The following CNNM2 variants were observed in gnomAD, a reference collection of about 807,000 sequenced individuals.
CNNM2 encodes cyclin and CBS domain divalent metal cation transport mediator 2.
In CNNM2, 12 loss-of-function variants were observed where a neutral mutation model predicts 66.9. The ratio of observed to expected loss-of-function variants is 0.18; its 90% CI spans 0.11 to 0.29. The LOEUF is 0.29. Ranked by LOEUF, CNNM2 falls within the 10% of genes least tolerant of loss-of-function variation. The pLI is 1.00. For synonymous variants in CNNM2, 557 were observed against 501.8 expected, an observed-to-expected ratio of 1.11 and a Z score of -1.47; for missense variants, 705 against 1,167.7, an observed-to-expected ratio of 0.60 and a Z score of 5.77.
chr10:103,067,254 G>GAT (rs761431753), intron 4 of CNNM2, among the ~76,000 whole-genome samples: 1 of 152,028 alleles, frequency 6.6e-6, no homozygotes, highest in Non-Finnish European at 1.5e-5. Flanking sequence ...TTTTTGTAGA[G>GAT]ATGGGGTCTT....
chr10:103,027,700 T>C (rs1314924119), intron 1 of CNNM2, among the ~76,000 whole-genome samples: 1 of 152,224 alleles, frequency 6.6e-6, no homozygotes, highest in Non-Finnish European at 1.5e-5. Context: ...CAAGATCCTG[T>C]TTCTATAGAT....
At chr10:103,073,540 CAAGGTCCGGGA>C (rs1302668009) in intron 6 of CNNM2, among the ~76,000 whole-genome samples, 1 of 152,130 alleles carries the variant, frequency 6.6e-6, no homozygotes, top group Non-Finnish European at 1.5e-5. Flanking sequence ...CGCATGGTGG[CAAGGTCCGGGA>C]GGAAGCTGAC....
chr10:103,075,991 G>A (rs2065683655), intron 6 of CNNM2, 95 bp from the exon 7 acceptor site: 1 of 1,159,644 alleles, frequency 8.6e-7, no homozygotes, highest in African/African-American at 1.5e-5. Flanking sequence ...GGCTGGGCTT[G>A]TGTGGCATTT....
At chr10:102,960,016 C>T (rs2063354554) in intron 1 of CNNM2, among the ~76,000 whole-genome samples, 1 of 151,802 alleles carries the variant, frequency 6.6e-6, no homozygotes, top group Admixed American at 6.6e-5. Context: ...CACACCACCC[C>T]ACTCCAACCT....
At position 103,082,418 on chromosome 10, in the gene CNNM2, CAG is replaced by C. The variant is rs1206133278; in HGVS notation, c.*5243_*5244del. 1 of 152,186 alleles carries C rather than the reference CAG, an allele frequency of 6.6e-6. No individual in the cohort carries two copies. 9.4% of individuals were successfully genotyped at this position (152,186 alleles called of 1,614,324 possible). A position where few individuals can be genotyped will look rare whatever the true frequency, so the allele number is the denominator to read the frequency against. On this transcript the variant is annotated 3_prime_UTR_variant, in exon 8 of 8. Transcript: ENST00000369878. ...ATGAGGTCTTAGGATTCTCATTCCCCAGAGAGCCCCAGCCTCGCTTCTGATCA... is the reference window on the plus strand; with the variant it reads ...ATGAGGTCTTAGGATTCTCATTCCCCAGAGCCCCAGCCTCGCTTCTGATCA...
At position 103,065,660 on chromosome 10, in the gene CNNM2, G is replaced by A. The variant is rs530313967; in HGVS notation, c.2074-2969G>A. ...TAACTGGAGACACCCAGGAACGGAA[G>A]TCACCATGAGGCTCCACTGCATTTG... On this transcript the variant is annotated intron_variant, in intron 4 of 7. Transcript: ENST00000369878. 2.6e-5 allele frequency among the ~76,000 whole-genome samples: 4 copies of A among 152,294 alleles called. No individual in the cohort carries two copies. The East Asian group carries it at 7.7e-4, about 29-fold the overall frequency.
At chr10:102,925,025 G>A (rs546611309) in intron 1 of CNNM2, among the ~76,000 whole-genome samples, 64 of 152,086 alleles carry the variant, frequency 4.2e-4, no homozygotes, top group African/African-American at 1.5e-3. Flanking sequence ...GGCTGGGTGC[G>A]GTGGCTCACG....
chr10:103,043,694 C>T (rs908192680), intron 1 of CNNM2, among the ~76,000 whole-genome samples: 2 of 152,216 alleles, frequency 1.3e-5, no homozygotes, highest in Admixed American at 6.5e-5. Context: ...ATTTTAGTTG[C>T]TTAGTCCATC....
Position 103,086,179 on chromosome 10 carries a change from C to T in CNNM2, c.*8999C>T, listed in dbSNP as rs902234156. 6.6e-6 allele frequency: 1 copy of T among 152,212 alleles called. No homozygotes were observed. The highest frequency in any genetic ancestry group is 2.4e-5 in the African/African-American group (1 of 41,434). The allele number at this position is 152,212 out of a possible 1,614,324, so 9.4% of individuals were successfully genotyped here. A position where few individuals can be genotyped will look rare whatever the true frequency, so the allele number is the denominator to read the frequency against. On this transcript the variant is annotated 3_prime_UTR_variant, in exon 8 of 8. Coordinates refer to ENST00000369878, the MANE Select transcript of CNNM2 (RefSeq NM_017649.5). ...TCTGGTAGCTCCATGGTAGAGATTTCACTCTCAGGGCCTCCCAAAAGTTGT... is the reference window on the plus strand; with the variant it reads ...TCTGGTAGCTCCATGGTAGAGATTTTACTCTCAGGGCCTCCCAAAAGTTGT...
chr10:103,064,802 G>A (rs2065448918), intron 4 of CNNM2, among the ~76,000 whole-genome samples: 1 of 152,146 alleles, frequency 6.6e-6, no homozygotes, highest in South Asian at 2.1e-4. Context: ...CACCGGTGCG[G>A]TGAGCCATGA....
At chr10:103,032,778 G>A (rs1296563814) in intron 1 of CNNM2, among the ~76,000 whole-genome samples, 1 of 151,134 alleles carries the variant, frequency 6.6e-6, no homozygotes, top group Non-Finnish European at 1.5e-5. Flanking sequence ...TTTACTTAAC[G>A]GGGCTTTATC....
intron 4 of CNNM2, among the ~76,000 whole-genome samples, chr10:103,067,124 G>T (rs1373421665): frequency 6.6e-6 from 1 of 150,760 alleles, no homozygotes; most frequent in African/African-American, 2.4e-5. Flanking sequence ...TTTGAGACAG[G>T]GTCTCATTCT....
chr10:102,921,860 A>G (rs1219280141), intron 1 of CNNM2, among the ~76,000 whole-genome samples: 4 of 152,114 alleles, frequency 2.6e-5, no homozygotes, highest in East Asian at 1.9e-4. Context: ...CTTCACTTCT[A>G]TATCTTTTTA....
chr10:102,927,059 G>A (rs144787614), intron 1 of CNNM2, among the ~76,000 whole-genome samples: 5 of 152,100 alleles, frequency 3.3e-5, no homozygotes, highest in Admixed American at 6.6e-5. Context: ...GTTTACAAGC[G>A]TGAGCCACCA....
chr10:102,973,803 T>C (rs2134219563), intron 1 of CNNM2, among the ~76,000 whole-genome samples: 1 of 144,834 alleles, frequency 6.9e-6, no homozygotes, highest in Non-Finnish European at 1.5e-5. Context: ...GCTAACAGCA[T>C]CTTTTCATGT....
intron 1 of CNNM2, among the ~76,000 whole-genome samples, chr10:102,934,593 C>T (rs919323155): frequency 1.3e-5 from 2 of 152,018 alleles, no homozygotes; most frequent in Non-Finnish European, 2.9e-5. Context: ...AGCCACCGGC[C>T]AAATCTATTT....
intron 1 of CNNM2, among the ~76,000 whole-genome samples, chr10:102,985,523 A>G (rs889827149): frequency 2.0e-5 from 3 of 152,134 alleles, no homozygotes; most frequent in African/African-American, 4.8e-5. Context: ...TAAACTAACC[A>G]GCAGACCCTG....
rs545025554 is a variant in CNNM2, at chr10:103,062,597, G to C, written c.2073+5633G>C. ...TATAAACCAAAACAAACTATCAAATGAATAAATTCTCAATGTGTAGATGAT... is the reference window on the plus strand; with the variant it reads ...TATAAACCAAAACAAACTATCAAATCAATAAATTCTCAATGTGTAGATGAT... On this transcript the variant is annotated intron_variant, in intron 4 of 7. Transcript: ENST00000369878. Among the ~76,000 whole-genome samples the C allele has an allele frequency of 3.4e-4, 51 of 152,150 alleles. 1 individual carries two copies. Among genetic ancestry groups the C allele is most frequent in the Admixed American group, 1.4e-3 (21 of 15,278 alleles).
chr10:103,019,358 A>T (rs530177432), intron 1 of CNNM2, among the ~76,000 whole-genome samples: 1 of 152,134 alleles, frequency 6.6e-6, no homozygotes, highest in South Asian at 2.1e-4. Flanking sequence ...CATGGAGATC[A>T]CAAGAGGGGT....
Sources: allele counts gnomAD v4.1 joint callset (sites outside exome capture counted in the v4.1 genomes callset), GRCh38; gene constraint gnomAD v4.1.1; transcripts MANE v1.5; gene names NCBI Gene and HGNC (gene_info 2026-07-23, HGNC 2026-07-21).